The following SH2D4B variants were observed in gnomAD, a reference collection of about 807,000 sequenced individuals.
SH2D4B encodes the protein SH2 domain containing 4B.
In SH2D4B, 45 loss-of-function variants were observed where a neutral mutation model predicts 61.5. The ratio of observed to expected loss-of-function variants is 0.73; its 90% CI spans 0.58 to 0.94. The LOEUF (loss-of-function observed/expected upper bound fraction) is 0.94. Ranked by LOEUF, SH2D4B falls within the 40% of genes least tolerant of loss-of-function variation. The pLI, the probability that SH2D4B is intolerant of heterozygous loss-of-function variation, is 0.00. For synonymous variants in SH2D4B, 224 were observed against 220.4 expected (o/e 1.02, Z -0.14); for missense variants, 572 against 574.2 (o/e 1.00, Z 0.04).
intron 6 of SH2D4B, among the ~76,000 whole-genome samples, chr10:80,610,867 T>A (rs530605174): frequency 6.6e-6 from 1 of 152,288 alleles, no homozygotes; most frequent in Admixed American, 6.5e-5. Flanking sequence ...AGGAGCTGCC[T>A]CTATTTAAAA....
intron 6 of SH2D4B, among the ~76,000 whole-genome samples, chr10:80,633,747 C>T (rs762414037): frequency 6.6e-6 from 1 of 152,154 alleles, no homozygotes; most frequent in Non-Finnish European, 1.5e-5. Context: ...TGATTCTATG[C>T]CCCTATTAAG....
At chr10:80,631,792 G>A (rs934206733) in intron 6 of SH2D4B, among the ~76,000 whole-genome samples, 18 of 152,152 alleles carry the variant, frequency 1.2e-4, no homozygotes, top group Admixed American at 3.9e-4. Context: ...GGTGGTTACC[G>A]GGGCTGGGAG....
intron 3 of SH2D4B, among the ~76,000 whole-genome samples, chr10:80,572,651 G>A (rs1842062028): frequency 6.6e-6 from 1 of 151,250 alleles, no homozygotes; most frequent in East Asian, 2.0e-4. Context: ...ACGGAGTCTT[G>A]CTTTGTTGCC....
intron 7 of SH2D4B, 66 bp from the exon 8 acceptor site, chr10:80,643,927 C>A: frequency 8.0e-7 from 1 of 1,251,260 alleles, no homozygotes; most frequent in Non-Finnish European, 1.2e-6. Flanking sequence ...ACCACTCTCT[C>A]TCTCTCATAG....
intron 6 of SH2D4B, among the ~76,000 whole-genome samples, chr10:80,612,904 T>A (rs1842618187): frequency 6.6e-6 from 1 of 152,222 alleles, no homozygotes; most frequent in Non-Finnish European, 1.5e-5. Context: ...ACTTAGCGGC[T>A]CTGAGACCTT....
In SH2D4B at chr10:80,588,756, G is replaced by A. The variant is rs1021313658; in HGVS notation, c.622G>A (p.Glu208Lys). ...GCATTGCCAAGCCAGTGAGAAAGAG[G>A]AGCGAGAGTGGGAAGAACAGTGTGA... is the stretch of plus-strand genomic sequence containing the variant. ...QLHCQASEKE[E>K]REWEEQLRRS... The change falls in exon 4 of 8, where the codon GAG (glutamate) becomes AAG (lysine). Residue 208 changes from glutamate (E) to lysine (K), a missense_variant. Coordinates refer to ENST00000646907, the MANE Select transcript of SH2D4B (RefSeq NM_001388272.1). 3 of 1,613,932 alleles carry A rather than the reference G, an allele frequency of 1.9e-6. No homozygotes were observed. Among genetic ancestry groups the A allele is most frequent in the East Asian group, 4.5e-5 (2 of 44,894 alleles).
At chr10:80,573,108 C>G (rs1250632572) in intron 3 of SH2D4B, among the ~76,000 whole-genome samples, 1 of 141,574 alleles carries the variant, frequency 7.1e-6, no homozygotes, top group Non-Finnish European at 1.5e-5. Flanking sequence ...CCTTAGCCTC[C>G]TGAGTAGCTG....
At chr10:80,581,145 G>A (rs895914002) in intron 3 of SH2D4B, among the ~76,000 whole-genome samples, 1 of 152,148 alleles carries the variant, frequency 6.6e-6, no homozygotes, top group African/African-American at 2.4e-5. Flanking sequence ...TGAGATGGGC[G>A]GTTGCTGTAG....
intron 1 of SH2D4B, among the ~76,000 whole-genome samples, chr10:80,554,021 G>A (rs974722913): frequency 2.6e-5 from 4 of 152,322 alleles, no homozygotes; most frequent in South Asian, 2.1e-4. Flanking sequence ...TAAGGAAGAC[G>A]AAATGATGGT....
chr10:80,538,428 G>C lies in SH2D4B; in HGVS notation c.97G>C (p.Glu33Gln). Residue 33 changes from glutamate (E) to glutamine (Q), a missense_variant, in exon 1 of 8, where the codon GAG becomes CAG. Transcript: ENST00000646907. The surrounding 1 kb of genome is among the most constrained non-coding windows in gnomAD (Gnocchi z 4.8). Reference protein sequence around the residue: ...QKHILFYKMREEQLRRWKERE... With the variant: ...QKHILFYKMRQEQLRRWKERE... ...GCACATCCTCTTCTACAAAATGCGG[G>C]AGGAGCAGCTGAGGCGCTGGAAGGA... 6.7e-7 allele frequency: 1 copy of C among 1,497,166 alleles called. No individual in the cohort carries two copies. Among genetic ancestry groups the C allele is most frequent in the Non-Finnish European group, 8.9e-7 (1 of 1,121,468 alleles). The allele number at this position is 1,497,166 out of a possible 1,614,324, so 92.7% of individuals were successfully genotyped here. A position where few individuals can be genotyped will look rare whatever the true frequency, so the allele number is the denominator to read the frequency against.
intron 6 of SH2D4B, among the ~76,000 whole-genome samples, chr10:80,624,959 AATCC>A: frequency 6.6e-6 from 1 of 152,296 alleles, no homozygotes; most frequent in Non-Finnish European, 1.5e-5. Context: ...AGCAGCACCA[AATCC>A]TAAAGCCCTC....
At chr10:80,611,759 T>C (rs1330759351) in intron 6 of SH2D4B, among the ~76,000 whole-genome samples, 2 of 151,996 alleles carry the variant, frequency 1.3e-5, no homozygotes, top group Admixed American at 1.3e-4. Flanking sequence ...GTGCTCAAAT[T>C]ATTTTTAGCT....
At chr10:80,577,661 T>C (rs1353438065) in intron 3 of SH2D4B, among the ~76,000 whole-genome samples, 2 of 151,308 alleles carry the variant, frequency 1.3e-5, no homozygotes, top group African/African-American at 4.9e-5. Context: ...CTCCTGACCT[T>C]GCGATCCACC....
At chr10:80,608,718 T>C in intron 5 of SH2D4B, among the ~76,000 whole-genome samples, 1 of 152,126 alleles carries the variant, frequency 6.6e-6, no homozygotes, top group Non-Finnish European at 1.5e-5. Flanking sequence ...CCCTCACCCA[T>C]TCCATCCGTA....
chr10:80,606,813 C>A (rs1339154929), intron 5 of SH2D4B, among the ~76,000 whole-genome samples: 1 of 152,104 alleles, frequency 6.6e-6, no homozygotes, highest in African/African-American at 2.4e-5. Flanking sequence ...AATTTCAGTG[C>A]CAGTATCTAT....
rs1317059868 is a variant in SH2D4B, at chr10:80,646,064, G to A, written c.*1979G>A. On this transcript the variant is annotated 3_prime_UTR_variant, in exon 8 of 8. Transcript: ENST00000646907. Reference sequence around the variant, plus strand: ...GTAAACCTCGGTATGACTGAAAAGGGAGTTTTCTGTATGGCCGTCACTAGG... The same window carrying A: ...GTAAACCTCGGTATGACTGAAAAGGAAGTTTTCTGTATGGCCGTCACTAGG... 1 of 152,610 alleles carries A rather than the reference G, an allele frequency of 6.6e-6. No homozygotes were observed. The highest frequency in any genetic ancestry group is 1.5e-5 in the Non-Finnish European group (1 of 68,036). The allele number at this position is 152,610 out of a possible 1,614,324, so 9.5% of individuals were successfully genotyped here.
chr10:80,543,043 C>G (rs1314714822), intron 1 of SH2D4B, among the ~76,000 whole-genome samples: 1 of 152,116 alleles, frequency 6.6e-6, no homozygotes, highest in Non-Finnish European at 1.5e-5. Flanking sequence ...CTAAGGGACT[C>G]ACCCTCTTTA....
chr10:80,629,163 A>G (rs753444597), intron 6 of SH2D4B, among the ~76,000 whole-genome samples: 6 of 152,126 alleles, frequency 3.9e-5, no homozygotes, highest in African/African-American at 1.2e-4. Flanking sequence ...TCGGCTTCCA[A>G]TGAGGCCTCA....
At chr10:80,545,490 C>G (rs1841664026) in intron 1 of SH2D4B, among the ~76,000 whole-genome samples, 1 of 151,816 alleles carries the variant, frequency 6.6e-6, no homozygotes, top group Non-Finnish European at 1.5e-5. Context: ...CTCTCTTCTC[C>G]CTTTTCTTCT....
Sources: allele counts gnomAD v4.1 joint callset (sites outside exome capture counted in the v4.1 genomes callset), GRCh38; gene constraint gnomAD v4.1.1; non-coding constraint Gnocchi (gnomAD v3.1); transcripts MANE v1.5; gene names NCBI Gene and HGNC (gene_info 2026-07-23, HGNC 2026-07-21).